Variants in AVL9 observed in about 807,000 individuals in gnomAD.
AVL9 encodes late secretory pathway protein AVL9 homolog.
In AVL9, 49 loss-of-function variants were observed where a neutral mutation model predicts 79.2. That is an observed-to-expected ratio of 0.62 (90% CI 0.49 to 0.79). AVL9 has a LOEUF of 0.79. Ranked by LOEUF, AVL9 falls within the 30% of genes least tolerant of loss-of-function variation. The pLI, the probability that AVL9 is intolerant of heterozygous loss-of-function variation, is 0.00. For missense variants in AVL9, 682 were observed against 776.8 expected (o/e 0.88, Z 1.45); for synonymous variants, 299 against 280.6 (o/e 1.07, Z -0.65).
At chr7:32,525,303 A>G (rs1453301548) in intron 1 of AVL9, among the ~76,000 whole-genome samples, 2 of 152,226 alleles carry the variant, frequency 1.3e-5, no homozygotes, top group African/African-American at 2.4e-5. Context: ...AGAGTCTTTT[A>G]GAACAAAACA....
chr7:32,510,468 T>A (rs112200146), intron 1 of AVL9, among the ~76,000 whole-genome samples: 1 of 136,466 alleles, frequency 7.3e-6, no homozygotes, highest in Non-Finnish European at 1.6e-5. Flanking sequence ...AAGCCATCTC[T>A]CCAGGGTGAG....
intron 1 of AVL9, among the ~76,000 whole-genome samples, chr7:32,499,356 C>T (rs976382984): frequency 1.4e-4 from 1 of 7,086 alleles, no homozygotes; most frequent in African/African-American, 2.3e-4. Context: ...CACATTAACT[C>T]TGTTTTTTTT....
chr7:32,580,538 A>G (rs531734879), intron 14 of AVL9, among the ~76,000 whole-genome samples: 1 of 152,298 alleles, frequency 6.6e-6, no homozygotes, highest in African/African-American at 2.4e-5. Context: ...GCTGTCGGAG[A>G]GATGCAGCCA....
chr7:32,497,038 TAC>T lies in AVL9; in HGVS notation c.93+1238_93+1239del, dbSNP rs140543290. ...TCGCTTGAGCCCAGGAGGCTGAGGC[TAC>T]AGTGACCCTTGATCCCACCACTGCA... On this transcript the variant is annotated intron_variant, in intron 1 of 15. Transcript: ENST00000318709. Among the ~76,000 whole-genome samples the T allele has an allele frequency of 3.2e-3, 483 of 152,334 alleles. 6 individuals are homozygous for T. In the East Asian group the frequency reaches 0.032, roughly 10 times the overall value.
intron 15 of AVL9, among the ~76,000 whole-genome samples, chr7:32,583,226 C>T (rs35053378): frequency 0.5 from 76,405 of 152,064 alleles, 20,944 homozygotes; most frequent in Admixed American, 0.65. Flanking sequence ...GTTGCTAGCA[C>T]TGAGGGTATT....
Position 32,558,588 on chromosome 7 carries a change from A to G in AVL9, c.639A>G (p.Lys213=). ...TTTTTTATATTTCTCCAGTGAATAA[A>G]TTGGTGGGTGCACTGATGACTGTGT... The part of the protein sequence containing the change: ...KVLFYISPVN[K]LVGALMTVLS... The change falls in exon 9 of 16, where the codon AAA becomes AAG. Residue 213 remains lysine, a synonymous_variant. Coordinates refer to ENST00000318709, the MANE Select transcript of AVL9 (RefSeq NM_015060.3). 7 of 1,612,660 alleles carry G rather than the reference A, an allele frequency of 4.3e-6. No individual in the cohort carries two copies. The highest frequency in any genetic ancestry group is 5.9e-6 in the Non-Finnish European group (7 of 1,179,600).
intron 1 of AVL9, among the ~76,000 whole-genome samples, chr7:32,497,316 T>C (rs911149272): frequency 2.6e-5 from 4 of 151,982 alleles, no homozygotes; most frequent in Non-Finnish European, 5.9e-5. Context: ...GATCACGCCA[T>C]TGCACTCCAG....
Position 32,580,873 on chromosome 7 carries a change from A to G in AVL9, c.1814A>G (p.Gln605Arg), listed in dbSNP as rs374551615. Residue 605 changes from glutamine to arginine, a missense_variant, in exon 15 of 16, where the codon CAA becomes CGA. By Grantham distance (43) the Gln-to-Arg change is conservative. Coordinates refer to ENST00000318709, the MANE Select transcript of AVL9 (RefSeq NM_015060.3). ...VMVTTSRNVV[Q>R]TGKAVGQSVG... The stretch of plus-strand genomic sequence containing the variant: ...GTCACAACTAGCCGGAATGTTGTAC[A>G]AACAGGAAAAGCTGTTGGTAAGACA... The G allele has an allele frequency of 1.9e-6, 3 of 1,613,706 alleles. No individual in the cohort carries two copies. The African/African-American group carries it at 4.0e-5, about 22-fold the overall frequency.
intron 13 of AVL9, among the ~76,000 whole-genome samples, chr7:32,579,989 C>T (rs893230775): frequency 1.3e-5 from 2 of 151,944 alleles, no homozygotes; most frequent in African/African-American, 4.8e-5. Flanking sequence ...AGACAACACA[C>T]CTGTTTTACA....
chr7:32,560,118 T>C (rs1790268571), intron 10 of AVL9, among the ~76,000 whole-genome samples: 1 of 151,898 alleles, frequency 6.6e-6, no homozygotes, highest in African/African-American at 2.4e-5. Context: ...GAGGCTGAGA[T>C]TAGGAGGCTT....
At chr7:32,564,934 T>C (rs757100126) in intron 10 of AVL9, among the ~76,000 whole-genome samples, 2 of 152,132 alleles carry the variant, frequency 1.3e-5, no homozygotes, top group Non-Finnish European at 2.9e-5. Context: ...CAGAGGAACA[T>C]TGAAGTGGAA....
intron 1 of AVL9, among the ~76,000 whole-genome samples, chr7:32,502,430 A>G (rs1029414342): frequency 1.3e-5 from 2 of 150,820 alleles, no homozygotes; most frequent in East Asian, 1.9e-4. Flanking sequence ...GTATCAAACC[A>G]TAATCATGTT....
chr7:32,563,119 C>T (rs1210123336), intron 10 of AVL9, among the ~76,000 whole-genome samples: 4 of 152,146 alleles, frequency 2.6e-5, no homozygotes, highest in South Asian at 2.1e-4. Flanking sequence ...GCAACCTCCA[C>T]GTCCCAGGTT....
At chr7:32,568,639 A>T (rs920781297) in intron 10 of AVL9, among the ~76,000 whole-genome samples, 1 of 152,216 alleles carries the variant, frequency 6.6e-6, no homozygotes, top group Non-Finnish European at 1.5e-5. Context: ...CATAAATATA[A>T]TATCACATAT....
At chr7:32,579,792 A>T (rs527696282) in intron 13 of AVL9, among the ~76,000 whole-genome samples, 1 of 149,580 alleles carries the variant, frequency 6.7e-6, no homozygotes, top group African/African-American at 2.5e-5. Context: ...TGCATAACCA[A>T]TAGCACACAT....
At chr7:32,504,032 C>T (rs1457619313) in intron 1 of AVL9, among the ~76,000 whole-genome samples, 3 of 152,276 alleles carry the variant, frequency 2.0e-5, no homozygotes, top group South Asian at 4.1e-4. Context: ...CCTTCACTGA[C>T]GGTATTAGGA....
chr7:32,523,463 G>A (rs1249673076), intron 1 of AVL9, among the ~76,000 whole-genome samples: 2 of 149,040 alleles, frequency 1.3e-5, no homozygotes, highest in Non-Finnish European at 3.0e-5. Flanking sequence ...AAGTTCCTGG[G>A]ACCAAAACAT....
chr7:32,527,339 C>T (rs1398411367), intron 1 of AVL9, among the ~76,000 whole-genome samples: 1 of 152,108 alleles, frequency 6.6e-6, no homozygotes, highest in Non-Finnish European at 1.5e-5. Context: ...TGCGACAAAG[C>T]CTGCTGGGTT....
chr7:32,562,394 T>C (rs1790368328), intron 10 of AVL9, among the ~76,000 whole-genome samples: 1 of 152,360 alleles, frequency 6.6e-6, no homozygotes, highest in East Asian at 1.9e-4. Context: ...CATACACTTA[T>C]TAACTGTACT....
Sources: gnomAD v4.1 joint callset for allele counts (sites outside exome capture counted in the v4.1 genomes callset) on GRCh38, gnomAD v4.1.1 for gene constraint, MANE v1.5 for transcripts, NCBI Gene and HGNC (gene_info 2026-07-23, HGNC 2026-07-21) for gene names.